Variants in ATP10B observed in about 807,000 individuals in gnomAD.
ATP10B encodes the protein phospholipid-transporting ATPase VB.
A neutral mutation model predicts 141.2 loss-of-function variants in ATP10B; 122 were observed. The observed-to-expected ratio is 0.86, with a 90% CI of 0.75 to 1.00. The LOEUF (loss-of-function observed/expected upper bound fraction) is 1.00, where lower values mean the gene tolerates loss of function less well. Ranked by LOEUF, ATP10B falls within the 50% of genes least tolerant of loss-of-function variation. ATP10B has a pLI of 0.00. For missense variants in ATP10B, 1,876 were observed against 1,825.3 expected (o/e 1.03, Z -0.51); for synonymous variants, 685 against 692.0 (o/e 0.99, Z 0.16).
At chr5:160,659,339 C>T (rs1322975905) in intron 7 of ATP10B, among the ~76,000 whole-genome samples, 1 of 152,004 alleles carries the variant, frequency 6.6e-6, no homozygotes, top group Non-Finnish European at 1.5e-5. Context: ...GTAGTGGGCA[C>T]CTGTAATCCC....
intron 8 of ATP10B, among the ~76,000 whole-genome samples, chr5:160,645,098 C>A (rs974482500): frequency 7.3e-6 from 1 of 136,684 alleles, no homozygotes; most frequent in South Asian, 2.5e-4. Context: ...GCCTGGGCTA[C>A]GGGGCAAGAC....
At chr5:160,769,698 T>C (rs983062362) in intron 2 of ATP10B, among the ~76,000 whole-genome samples, 3 of 152,212 alleles carry the variant, frequency 2.0e-5, no homozygotes, top group African/African-American at 7.2e-5. Context: ...CACTTAGCAG[T>C]AAAAGGAAAG....
At chr5:160,905,503 A>G in the ATP10B span, among the ~76,000 whole-genome samples, 1 of 152,222 alleles carries the variant, frequency 6.6e-6, no homozygotes, top group African/African-American at 2.4e-5. Context: ...TGCTTGAGAC[A>G]GCTAGTTGTG....
Position 160,606,746 on chromosome 5 carries a change from A to C in ATP10B, c.3160+19T>G, listed in dbSNP as rs1247867945. The stretch of plus-strand genomic sequence containing the variant: ...TCATCCCTGCCAAAGTGCCACCCGC[A>C]TCTCAGTATGATGGGTACCTATGGA... On this transcript the variant is annotated intron_variant, in intron 19 of 25. Transcript: ENST00000327245. 5.0e-6 allele frequency: 8 copies of C among 1,602,062 alleles called. No individual in the cohort carries two copies. Among genetic ancestry groups the C allele is most frequent in the Non-Finnish European group, 6.8e-6 (8 of 1,171,554 alleles).
intron 22 of ATP10B, among the ~76,000 whole-genome samples, chr5:160,596,758 CAGAG>C (rs1470785200): frequency 2.0e-5 from 3 of 152,196 alleles, no homozygotes; most frequent in East Asian, 1.9e-4. Flanking sequence ...AACAGACAAA[CAGAG>C]AGCCAAATCG....
chr5:160,837,449 AC>A (rs1775518663), intron 1 of ATP10B, among the ~76,000 whole-genome samples: 1 of 152,096 alleles, frequency 6.6e-6, no homozygotes, highest in African/African-American at 2.4e-5. Context: ...TGAAAGGGAA[AC>A]CCATGTTAGT....
Position 160,695,842 on chromosome 5 carries a change from C to T in ATP10B, c.-204-6899G>A, listed in dbSNP as rs188693624. Reference sequence around the variant, plus strand: ...AGTTTGGCCTTCAGTTAACTACAGGCGTTTTTAAAGCACTCTACCCTGAGG... The same window carrying T: ...AGTTTGGCCTTCAGTTAACTACAGGTGTTTTTAAAGCACTCTACCCTGAGG... On this transcript the variant is annotated intron_variant, in intron 3 of 25. Transcript: ENST00000327245. Among the ~76,000 whole-genome samples, 220 of 151,874 alleles carry T rather than the reference C, an allele frequency of 1.4e-3. 1 individual carries two copies. The highest frequency in any genetic ancestry group is 1.5e-3 in the Non-Finnish European group (103 of 67,970).
chr5:160,645,587 A>G (rs1173544995), intron 8 of ATP10B, among the ~76,000 whole-genome samples: 2 of 152,212 alleles, frequency 1.3e-5, no homozygotes, highest in African/African-American at 4.8e-5. Context: ...GGAGCATTGC[A>G]GTTTTCCACC....
intron 2 of ATP10B, among the ~76,000 whole-genome samples, chr5:160,754,829 C>T (rs1768404530): frequency 6.6e-6 from 1 of 152,126 alleles, no homozygotes; most frequent in Non-Finnish European, 1.5e-5. Context: ...GATGCCACAG[C>T]CCTTCAAATG....
intron 1 of ATP10B, among the ~76,000 whole-genome samples, chr5:160,789,944 T>C (rs551304015): frequency 6.6e-6 from 1 of 152,342 alleles, no homozygotes; most frequent in Admixed American, 6.5e-5. Context: ...TGCTGAGTAT[T>C]CTGAAGATTG....
intron 2 of ATP10B, among the ~76,000 whole-genome samples, chr5:160,767,336 C>T (rs1242243087): frequency 6.6e-6 from 1 of 152,086 alleles, no homozygotes; most frequent in Non-Finnish European, 1.5e-5. Flanking sequence ...TGAATACTCC[C>T]AGTGTGTCAG....
At chr5:160,868,405 T>C in the ATP10B span, among the ~76,000 whole-genome samples, 5 of 152,020 alleles carry the variant, frequency 3.3e-5, no homozygotes, top group East Asian at 5.8e-4. Flanking sequence ...TTATGCCACA[T>C]ACATTGAACA....
At chr5:160,761,837 T>A (rs796137323) in intron 2 of ATP10B, among the ~76,000 whole-genome samples, 20 of 140,792 alleles carry the variant, frequency 1.4e-4, no homozygotes, top group Non-Finnish European at 1.8e-4. Context: ...TTTAAAAAAA[T>A]GTAGGATATG....
chr5:160,613,002 G>T, intron 17 of ATP10B, 77 bp from the exon 18 acceptor site: 2 of 1,398,640 alleles, frequency 1.4e-6, no homozygotes, highest in Non-Finnish European at 1.9e-6. Flanking sequence ...GCCATGTGAA[G>T]CCAGGCAATG....
At chr5:160,741,775 T>C (rs1449630658) in intron 2 of ATP10B, among the ~76,000 whole-genome samples, 2 of 152,164 alleles carry the variant, frequency 1.3e-5, no homozygotes, top group African/African-American at 4.8e-5. Context: ...AACTTAATAA[T>C]TAGGGACAGA....
At chr5:160,845,046 G>A (rs1776037842) in intron 1 of ATP10B, among the ~76,000 whole-genome samples, 1 of 152,098 alleles carries the variant, frequency 6.6e-6, no homozygotes, top group Non-Finnish European at 1.5e-5. Flanking sequence ...ACTTTTGTGT[G>A]TACTTGCTTT....
At chr5:160,568,790 C>CCAAGG (rs759161795) in intron 25 of ATP10B, among the ~76,000 whole-genome samples, 19 of 152,098 alleles carry the variant, frequency 1.2e-4, no homozygotes, top group Non-Finnish European at 1.9e-4. Context: ...AGAGTGAGCT[C>CCAAGG]CAAGGCAAGG....
intron 6 of ATP10B, among the ~76,000 whole-genome samples, chr5:160,677,044 T>G (rs972781262): frequency 1.3e-5 from 2 of 151,924 alleles, no homozygotes; most frequent in Non-Finnish European, 2.9e-5. Flanking sequence ...CTAGCAGAGG[T>G]TGGGTTGAGA....
chr5:160,812,020 C>CACAGAGATTGAG (rs1211580744), intron 1 of ATP10B, among the ~76,000 whole-genome samples: 1 of 111,420 alleles, frequency 9.0e-6, no homozygotes, highest in East Asian at 3.3e-4. Flanking sequence ...GAGACAGAGA[C>CACAGAGATTGAG]AGAGAGAGAG....
Sources: gnomAD v4.1 joint callset for allele counts (sites outside exome capture counted in the v4.1 genomes callset) on GRCh38, gnomAD v4.1.1 for gene constraint, MANE v1.5 for transcripts, NCBI Gene and HGNC (gene_info 2026-07-23, HGNC 2026-07-21) for gene names.